The following PTPN13 variants were observed in gnomAD, a reference collection of about 807,000 sequenced individuals.
The protein encoded by PTPN13 is tyrosine-protein phosphatase non-receptor type 13.
Under a neutral mutation model 284.0 loss-of-function variants are expected in PTPN13, and 191 were observed. The observed-to-expected ratio is 0.67, with a 90% CI of 0.60 to 0.76. The LOEUF (loss-of-function observed/expected upper bound fraction) is 0.76, where lower values mean the gene tolerates loss of function less well. Ranked by LOEUF, PTPN13 falls within the 30% of genes least tolerant of loss-of-function variation. PTPN13 has a pLI of 0.00. For synonymous variants in PTPN13, 986 were observed against 1,022.3 expected (o/e 0.96, Z 0.68); for missense variants, 2,797 against 2,939.9 (o/e 0.95, Z 1.12).
intron 2 of PTPN13, among the ~76,000 whole-genome samples, chr4:86,645,552 T>A (rs1724321965): frequency 6.6e-6 from 1 of 152,146 alleles, no homozygotes; most frequent in African/African-American, 2.4e-5. Flanking sequence ...AAAAAACAAC[T>A]TTTACCATTT....
chr4:86,668,905 C>G (rs1727406613), intron 2 of PTPN13, among the ~76,000 whole-genome samples: 1 of 151,724 alleles, frequency 6.6e-6, no homozygotes, highest in Non-Finnish European at 1.5e-5. Flanking sequence ...CTGCGCCCAG[C>G]CTGTCTGTAT....
intron 10 of PTPN13, among the ~76,000 whole-genome samples, chr4:86,726,681 G>A (rs1414173518): frequency 6.7e-6 from 1 of 149,614 alleles, no homozygotes; most frequent in African/African-American, 2.4e-5. Context: ...ACACTTTGCT[G>A]AAGTTGCTTA....
intron 19 of PTPN13, among the ~76,000 whole-genome samples, chr4:86,751,585 G>T (rs1287816613): frequency 6.6e-6 from 1 of 152,144 alleles, no homozygotes; most frequent in African/African-American, 2.4e-5. Context: ...CTCCCAAAGT[G>T]CTGAGATTAC....
At chr4:86,642,154 C>A (rs1723868978) in intron 2 of PTPN13, among the ~76,000 whole-genome samples, 1 of 152,040 alleles carries the variant, frequency 6.6e-6, no homozygotes, top group African/African-American at 2.4e-5. Context: ...CTTAATATGG[C>A]CACCTTTGCT....
intron 6 of PTPN13, among the ~76,000 whole-genome samples, chr4:86,696,697 G>A (rs1730633069): frequency 6.6e-6 from 1 of 151,910 alleles, no homozygotes; most frequent in East Asian, 1.9e-4. Context: ...TAAGTAGATT[G>A]TTTGTTGATT....
intron 1 of PTPN13, among the ~76,000 whole-genome samples, chr4:86,610,320 A>T (rs1282160775): frequency 6.6e-6 from 1 of 152,266 alleles, no homozygotes; most frequent in Non-Finnish European, 1.5e-5. Context: ...GTAGAAAATA[A>T]GAACTCTTTC....
Position 86,635,389 on chromosome 4 carries a change from C to G in PTPN13, c.115+18C>G, listed in dbSNP as rs1320425251. On this transcript the variant is annotated intron_variant, in intron 2 of 47. Coordinates refer to ENST00000411767, the MANE Select transcript of PTPN13 (RefSeq NM_080683.3). ...CAGAAAAGGTAAGCTGCTGCTGCTG[C>G]TGCTGTTGTTGTTGTTGTTTCAGTA... 6.4e-7 allele frequency: 1 copy of G among 1,572,206 alleles called. No individual in the cohort carries two copies. The highest frequency in any genetic ancestry group is 1.9e-5 in the Admixed American group (1 of 53,290).
rs1014271406 is a variant in PTPN13 at position 86,702,340 on chromosome 4, C to T, written c.1195+539C>T. On this transcript the variant is annotated intron_variant, in intron 7 of 47. Coordinates refer to ENST00000411767, the MANE Select transcript of PTPN13 (RefSeq NM_080683.3). Reference sequence around the variant, plus strand: ...CTTTGTCTGGAATAAAGTTTTGAATCCATACCTTTTGAATCATAGTACATT... The same window carrying T: ...CTTTGTCTGGAATAAAGTTTTGAATTCATACCTTTTGAATCATAGTACATT... Among the ~76,000 whole-genome samples, 12 of 152,150 alleles carry T rather than the reference C, an allele frequency of 7.9e-5. No individual in the cohort carries two copies. In the East Asian group the frequency reaches 2.1e-3, roughly 27 times the overall value.
In PTPN13 at chr4:86,762,867, T is replaced by A; in HGVS notation, c.3694T>A (p.Ser1232Thr). Residue 1232 changes from serine to threonine, a missense_variant, in exon 24 of 48, where the codon TCC becomes ACC. Physicochemically the swap from Ser to Thr is moderately conservative, Grantham distance 58. Transcript: ENST00000411767. ...RGTLRHISEN[S>T]FGPSGGLREG... ...TACCCTGAGGCACATCTCGGAGAACTCCTTTGGGCCATCTGGGGGCCTGCG... is the reference window on the plus strand; with the variant it reads ...TACCCTGAGGCACATCTCGGAGAACACCTTTGGGCCATCTGGGGGCCTGCG... 1 of 1,613,828 alleles carries A rather than the reference T, an allele frequency of 6.2e-7. No individual in the cohort carries two copies. The highest frequency in any genetic ancestry group is 8.5e-7 in the Non-Finnish European group (1 of 1,179,824).
chr4:86,595,314 T>C (rs1289101801), intron 1 of PTPN13, among the ~76,000 whole-genome samples: 1 of 151,896 alleles, frequency 6.6e-6, no homozygotes, highest in Admixed American at 6.6e-5. Context: ...GGAGAGACAC[T>C]GTCTGATGCA....
chr4:86,728,300 G>A (rs569050512), intron 10 of PTPN13, among the ~76,000 whole-genome samples: 1 of 149,484 alleles, frequency 6.7e-6, no homozygotes, highest in South Asian at 2.1e-4. Context: ...TGTTGATTTG[G>A]GGTGGTGAGT....
chr4:86,811,203 C>A, intron 47 of PTPN13, 95 bp downstream of exon 47: 1 of 1,217,814 alleles, frequency 8.2e-7, no homozygotes. Flanking sequence ...TTGAGAGTTC[C>A]CATGTTAGAG....
intron 1 of PTPN13, among the ~76,000 whole-genome samples, chr4:86,622,094 T>C (rs1721317341): frequency 6.6e-6 from 1 of 152,214 alleles, no homozygotes; most frequent in Admixed American, 6.5e-5. Context: ...TGAGTTATCA[T>C]TACAACCCCC....
At chr4:86,718,424 A>G (rs1733259482) in intron 9 of PTPN13, among the ~76,000 whole-genome samples, 2 of 150,958 alleles carry the variant, frequency 1.3e-5, no homozygotes, top group South Asian at 2.1e-4. Flanking sequence ...TAAATACTTT[A>G]CACTAAAATT....
intron 3 of PTPN13, among the ~76,000 whole-genome samples, chr4:86,676,977 A>G (rs1728340148): frequency 6.6e-6 from 1 of 152,174 alleles, no homozygotes; most frequent in Admixed American, 6.5e-5. Context: ...ACTGAAATAT[A>G]TACTTAATGG....
intron 40 of PTPN13, among the ~76,000 whole-genome samples, chr4:86,792,770 G>C (rs1269571244): frequency 6.6e-6 from 1 of 152,190 alleles, no homozygotes; most frequent in Non-Finnish European, 1.5e-5. Context: ...AGCTTCATAA[G>C]TGAAGGAGAA....
chr4:86,647,422 G>A (rs147528800), intron 2 of PTPN13, among the ~76,000 whole-genome samples: 8 of 147,760 alleles, frequency 5.4e-5, no homozygotes, highest in African/African-American at 1.9e-4. Context: ...TAGAGCATCA[G>A]GAGTAGACTA....
intron 1 of PTPN13, among the ~76,000 whole-genome samples, chr4:86,616,674 C>T (rs1720582451): frequency 6.6e-6 from 1 of 152,122 alleles, no homozygotes; most frequent in Non-Finnish European, 1.5e-5. Context: ...CCCACTCTTT[C>T]TCTCCCTTGC....
intron 27 of PTPN13, 130 bp from the exon 28 acceptor site, chr4:86,767,687 C>G (rs989016248): frequency 5.8e-6 from 4 of 688,008 alleles, no homozygotes; most frequent in Admixed American, 7.4e-5. Flanking sequence ...TTTTCTCCCC[C>G]TTCATTTGGT....
Sources: gnomAD v4.1 joint callset for allele counts (sites outside exome capture counted in the v4.1 genomes callset) on GRCh38, gnomAD v4.1.1 for gene constraint, MANE v1.5 for transcripts, NCBI Gene and HGNC (gene_info 2026-07-23, HGNC 2026-07-21) for gene names.